The following DNAH9 variants were observed in gnomAD, a reference collection of about 807,000 sequenced individuals.
The protein encoded by DNAH9 is dynein axonemal heavy chain 9.
Under a neutral mutation model 471.6 loss-of-function variants are expected in DNAH9, and 345 were observed. The observed-to-expected ratio is 0.73, with a 90% CI of 0.67 to 0.80. DNAH9 has a LOEUF of 0.80. DNAH9 is among the 30% of genes least tolerant of loss of function. The pLI, the probability that DNAH9 is intolerant of heterozygous loss-of-function variation, is 0.00. For synonymous variants in DNAH9, 2,093 were observed against 2,123.6 expected (o/e 0.99, Z 0.40); for missense variants, 5,407 against 5,609.2 (o/e 0.96, Z 1.15).
At chr17:11,704,582 CTTTT>C (rs34814778) in intron 25 of DNAH9, 140 bp downstream of exon 25, 371 of 525,842 alleles carry the variant, frequency 7.1e-4, no homozygotes, top group South Asian at 1.1e-3. Flanking sequence ...GCTGCTCCTA[CTTTT>C]TTTTTTTTTT....
chr17:11,668,380 T>C (rs1287847944), intron 15 of DNAH9, among the ~76,000 whole-genome samples: 2 of 152,062 alleles, frequency 1.3e-5, no homozygotes, highest in Admixed American at 6.5e-5. Flanking sequence ...AATCAACCTC[T>C]TGTTGGCTGG....
chr17:11,616,689 T>TA (rs1267569400), intron 4 of DNAH9, among the ~76,000 whole-genome samples: 2 of 152,152 alleles, frequency 1.3e-5, no homozygotes, highest in African/African-American at 4.8e-5. Context: ...GTGACTTTTT[T>TA]AAAAAAATTA....
intron 9 of DNAH9, among the ~76,000 whole-genome samples, chr17:11,639,514 G>C (rs1220091062): frequency 1.3e-5 from 2 of 152,146 alleles, no homozygotes; most frequent in East Asian, 1.9e-4. Flanking sequence ...TCGAGTCCAG[G>C]GCTCCATAAT....
At chr17:11,605,352 C>A (rs1210076652) in intron 1 of DNAH9, among the ~76,000 whole-genome samples, 3 of 152,192 alleles carry the variant, frequency 2.0e-5, no homozygotes, top group African/African-American at 4.8e-5. Context: ...ATATAAGCTT[C>A]ATGAGGTCAG....
intron 32 of DNAH9, among the ~76,000 whole-genome samples, chr17:11,750,928 C>T (rs1967118184): frequency 6.6e-6 from 1 of 151,898 alleles, no homozygotes; most frequent in Non-Finnish European, 1.5e-5. Flanking sequence ...CTAGGAGGAA[C>T]ACAAACAGAT....
intron 67 of DNAH9, among the ~76,000 whole-genome samples, chr17:11,956,532 T>C (rs1284834431): frequency 3.9e-5 from 6 of 152,122 alleles, no homozygotes; most frequent in Non-Finnish European, 8.8e-5. Flanking sequence ...TACACATACT[T>C]TTCAAGAGTA....
At chr17:11,882,513 C>G (rs1483970335) in intron 55 of DNAH9, among the ~76,000 whole-genome samples, 1 of 152,090 alleles carries the variant, frequency 6.6e-6, no homozygotes, top group African/African-American at 2.4e-5. Context: ...CCTGGGACTC[C>G]GCTTCCTGCA....
Position 11,653,081 on chromosome 17 carries a change from T to C in DNAH9, c.2595+79T>C, listed in dbSNP as rs2073549702. The C allele has an allele frequency of 2.7e-6, 4 of 1,471,742 alleles. No individual in the cohort carries two copies. In the East Asian group the frequency reaches 9.1e-5, roughly 33 times the overall value. The allele number at this position is 1,471,742 out of a possible 1,614,324, so 91.2% of individuals were successfully genotyped here. On this transcript the variant is annotated intron_variant, in intron 14 of 68. Coordinates refer to ENST00000262442, the MANE Select transcript of DNAH9 (RefSeq NM_001372.4). ...AAAGTGTGTTTGGATGAATAAGTGA[T>C]TAGGACAGTCAGTAAGTGCAGTGTC...
intron 35 of DNAH9, 80 bp from the exon 36 acceptor site, chr17:11,763,360 G>A: frequency 7.8e-7 from 1 of 1,278,558 alleles, no homozygotes; most frequent in Non-Finnish European, 1.1e-6. Context: ...CTGAAACTGA[G>A]TGGTTCCATA....
intron 61 of DNAH9, among the ~76,000 whole-genome samples, chr17:11,912,337 A>G (rs1349190482): frequency 6.6e-6 from 1 of 152,176 alleles, no homozygotes; most frequent in Non-Finnish European, 1.5e-5. Flanking sequence ...TAGAATTTCC[A>G]GTACACTGTT....
chr17:11,645,610 G>C (rs926451139), intron 11 of DNAH9, among the ~76,000 whole-genome samples: 1 of 151,984 alleles, frequency 6.6e-6, no homozygotes, highest in Non-Finnish European at 1.5e-5. Flanking sequence ...TTGCCTCCTC[G>C]TCACCACCTC....
At position 11,619,545 on chromosome 17, in the gene DNAH9, C is replaced by CA; in HGVS notation, c.1117-2dup. The CA allele has an allele frequency of 6.3e-7, 1 of 1,583,532 alleles. No homozygotes were observed. The highest frequency in any genetic ancestry group is 8.7e-7 in the Non-Finnish European group (1 of 1,152,312). On this transcript the variant is annotated splice_polypyrimidine_tract_variant and splice_region_variant and intron_variant, in intron 5 of 68. Coordinates refer to ENST00000262442, the MANE Select transcript of DNAH9 (RefSeq NM_001372.4). Reference sequence around the variant, plus strand: ...CAGTGATACTAATCTGTTTGTATACCAGGCCTCTAATTATCTCAGCCCAGA... The same window carrying CA: ...CAGTGATACTAATCTGTTTGTATACCAAGGCCTCTAATTATCTCAGCCCAGA...
At chr17:11,805,490 C>CTCT (rs1452252497) in intron 43 of DNAH9, among the ~76,000 whole-genome samples, 2 of 140,636 alleles carry the variant, frequency 1.4e-5, no homozygotes, top group East Asian at 4.4e-4. Flanking sequence ...CAAACGTATC[C>CTCT]TCTACTCTAT....
intron 41 of DNAH9, among the ~76,000 whole-genome samples, chr17:11,788,963 C>A (rs182337320): frequency 6.6e-6 from 1 of 152,012 alleles, no homozygotes; most frequent in Non-Finnish European, 1.5e-5. Context: ...TGAAACTTAA[C>A]AAATGATTTT....
chr17:11,733,876 A>AAAAAAAAAC (rs1480994426), intron 28 of DNAH9, among the ~76,000 whole-genome samples: 1 of 151,330 alleles, frequency 6.6e-6, no homozygotes, highest in African/African-American at 2.4e-5. Context: ...AAAAAAAAAA[A>AAAAAAAAAC]AAAGTAAAAC....
Position 11,874,985 on chromosome 17 carries a change from A to G in DNAH9, c.10279A>G (p.Arg3427Gly). ...AGTCACCCCAGCCCTGGATCCCCTGAGGATGCTGATGGATGATGCTGACGT... is the reference window on the plus strand; with the variant it reads ...AGTCACCCCAGCCCTGGATCCCCTGGGGATGCTGATGGATGATGCTGACGT... ...IPVTPALDPL[R>G]MLMDDADVAA... The change falls in exon 53 of 69, where the codon AGG becomes GGG. Residue 3427 changes from arginine to glycine, a missense_variant. By Grantham distance (125) the Arg-to-Gly change is moderately radical. This residue lies in a region of DNAH9 where 4,636 missense variants were observed against 4,900.3 expected (regional missense o/e 0.95). Transcript: ENST00000262442. 1 of 1,614,068 alleles carries G rather than the reference A, an allele frequency of 6.2e-7. No individual in the cohort carries two copies. Among genetic ancestry groups the G allele is most frequent in the South Asian group, 1.1e-5 (1 of 91,086 alleles).
In DNAH9 at chr17:11,810,335, G is replaced by A. The variant is rs768710308; in HGVS notation, c.8673G>A (p.Arg2891=). The A allele has an allele frequency of 6.2e-7, 1 of 1,613,808 alleles. No homozygotes were observed. The highest frequency in any genetic ancestry group is 8.5e-7 in the Non-Finnish European group (1 of 1,179,868). ...LMTDAQVADE[R]FLVLINDLLA... The stretch of plus-strand genomic sequence containing the variant: ...CTGATGCCCAAGTGGCTGATGAGAG[G>A]TTCCTTGTGCTCATCAATGATCTTT... Residue 2891 remains arginine, a synonymous_variant, in exon 45 of 69, where the codon AGG becomes AGA. Transcript: ENST00000262442.
chr17:11,910,460 T>C (rs945956358), intron 61 of DNAH9, among the ~76,000 whole-genome samples: 2 of 152,254 alleles, frequency 1.3e-5, no homozygotes, highest in Non-Finnish European at 2.9e-5. Context: ...ATTCATCTGT[T>C]GATGGACACT....
intron 37 of DNAH9, 53 bp from the exon 38 acceptor site, chr17:11,769,060 GCTGGTGCAT>G: frequency 6.4e-7 from 1 of 1,564,000 alleles, no homozygotes; most frequent in African/African-American, 1.4e-5. Context: ...TCGGAACGCC[GCTGGTGCAT>G]CTGTTTCTCC....
Sources: allele counts gnomAD v4.1 joint callset (sites outside exome capture counted in the v4.1 genomes callset), GRCh38; gene constraint gnomAD v4.1.1; regional missense constraint gnomAD v4.1.1; transcripts MANE v1.5; gene names NCBI Gene and HGNC (gene_info 2026-07-23, HGNC 2026-07-21).